Variants in SEL1L3 observed in about 807,000 individuals in gnomAD.
The protein encoded by SEL1L3 is SEL1L family member 3, also known as protein sel-1 homolog 3.
In SEL1L3, 76 loss-of-function variants were observed where a neutral mutation model predicts 142.8. The observed-to-expected ratio is 0.53, with a 90% CI of 0.44 to 0.64. SEL1L3 has a LOEUF of 0.64. Among genes scored for constraint, SEL1L3 ranks in the 30% least tolerant of loss-of-function variants. The probability of loss-of-function intolerance (pLI) is 0.00; values close to 1 mark genes in which losing one functional copy is unlikely to be tolerated. For synonymous variants in SEL1L3, 504 were observed against 519.6 expected (o/e 0.97, Z 0.41); for missense variants, 1,262 against 1,381.7 (o/e 0.91, Z 1.37).
At chr4:25,733,807 G>A in the SEL1L3 span, among the ~76,000 whole-genome samples, 2 of 152,090 alleles carry the variant, frequency 1.3e-5, no homozygotes, top group South Asian at 2.1e-4. Context: ...GAGCCACCGC[G>A]TCGGGCCAGT....
At chr4:25,752,844 C>T (rs1016500140) in intron 23 of SEL1L3, among the ~76,000 whole-genome samples, 1 of 152,260 alleles carries the variant, frequency 6.6e-6, no homozygotes, top group Non-Finnish European at 1.5e-5. Context: ...TGGTCTAAAA[C>T]TCCTGATCTT....
At chr4:25,741,502 C>G in the SEL1L3 span, among the ~76,000 whole-genome samples, 1 of 152,132 alleles carries the variant, frequency 6.6e-6, no homozygotes. Flanking sequence ...AGCTCTTCAT[C>G]TACTTTAAGT....
intron 8 of SEL1L3, among the ~76,000 whole-genome samples, chr4:25,819,066 G>T (rs1357341843): frequency 6.6e-6 from 1 of 152,172 alleles, no homozygotes; most frequent in Non-Finnish European, 1.5e-5. Context: ...AGGTCCCACA[G>T]GAATTTCTCT....
chr4:25,827,120 C>T (rs1171282664), intron 6 of SEL1L3, among the ~76,000 whole-genome samples: 1 of 152,086 alleles, frequency 6.6e-6, no homozygotes, highest in African/African-American at 2.4e-5. Context: ...ATCATAGATT[C>T]TCTGCATTCA....
Position 25,756,185 on chromosome 4 carries a change from A to T in SEL1L3, c.3259+1349T>A, listed in dbSNP as rs1717945349. 4 of 985,334 alleles carry T rather than the reference A, an allele frequency of 4.1e-6. No homozygotes were observed. The African/African-American group carries it at 5.2e-5, about 13-fold the overall frequency. The allele number at this position is 985,334 out of a possible 1,614,324, so 61.0% of individuals were successfully genotyped here. ...TGCCATGTCCAGTCCTAATCTACCC[A>T]TTTGTAAATGTCTCTGTTTGCCTTC... On this transcript the variant is annotated intron_variant, in intron 23 of 23. Transcript: ENST00000399878.
chr4:25,800,618 G>T (rs1274056637), intron 11 of SEL1L3, among the ~76,000 whole-genome samples: 3 of 151,520 alleles, frequency 2.0e-5, no homozygotes, highest in African/African-American at 7.3e-5. Context: ...AAAAAAAATA[G>T]TTTTTTTTGG....
the SEL1L3 span, among the ~76,000 whole-genome samples, chr4:25,734,234 C>T: frequency 6.6e-6 from 1 of 152,066 alleles, no homozygotes; most frequent in East Asian, 1.9e-4. Flanking sequence ...TTAGTAGAGA[C>T]CGGGTTTCAT....
chr4:25,751,427 G>A (rs1253628489), intron 23 of SEL1L3, among the ~76,000 whole-genome samples: 1 of 152,040 alleles, frequency 6.6e-6, no homozygotes, highest in Non-Finnish European at 1.5e-5. Context: ...AAGCTGCAAA[G>A]CCAATGGACC....
Position 25,782,438 on chromosome 4 carries a change from A to C in SEL1L3, c.2281-20T>G. 6.2e-7 allele frequency: 1 copy of C among 1,605,940 alleles called. No homozygotes were observed. Among genetic ancestry groups the C allele is most frequent in the Non-Finnish European group, 8.5e-7 (1 of 1,175,400 alleles). Reference sequence around the variant, plus strand: ...CAATCCCTGAATTTTGGAACAAGAAAGAAATTAACTTTAGAAAAATGAAAT... The same window carrying C: ...CAATCCCTGAATTTTGGAACAAGAACGAAATTAACTTTAGAAAAATGAAAT... On this transcript the variant is annotated intron_variant, in intron 14 of 23. Coordinates refer to ENST00000399878, the MANE Select transcript of SEL1L3 (RefSeq NM_015187.5).
chr4:25,754,156 G>C (rs1717793218), intron 23 of SEL1L3, among the ~76,000 whole-genome samples: 1 of 151,186 alleles, frequency 6.6e-6, no homozygotes, highest in Non-Finnish European at 1.5e-5. Flanking sequence ...CACAAAATTA[G>C]CCAGGCGTGG....
chr4:25,764,215 G>A (rs1034591522), intron 20 of SEL1L3, among the ~76,000 whole-genome samples: 1 of 152,174 alleles, frequency 6.6e-6, no homozygotes, highest in Non-Finnish European at 1.5e-5. Context: ...CAAGAGTCAT[G>A]AAGATGAGAA....
intron 1 of SEL1L3, chr4:25,862,074 C>T (rs1322061665): frequency 6.6e-6 from 1 of 152,208 alleles, no homozygotes; most frequent in African/African-American, 2.4e-5. Flanking sequence ...AAGCGTGTTA[C>T]AGAGAACTAG....
the SEL1L3 span, among the ~76,000 whole-genome samples, chr4:25,740,582 A>G: frequency 1.3e-5 from 2 of 151,766 alleles, no homozygotes; most frequent in African/African-American, 4.8e-5. Context: ...TGTTTGCATC[A>G]CCCTCCTTCA....
intron 4 of SEL1L3, 59 bp downstream of exon 4, chr4:25,833,389 C>A (rs886195253): frequency 6.6e-7 from 1 of 1,508,758 alleles, no homozygotes; most frequent in African/African-American, 1.4e-5. Context: ...ACATATCTGT[C>A]ACTAGGCAGA....
chr4:25,818,331 T>C, intron 8 of SEL1L3, 53 bp from the exon 9 acceptor site: 5 of 1,475,036 alleles, frequency 3.4e-6, no homozygotes, highest in Non-Finnish European at 4.6e-6. Context: ...AAGATAAGAC[T>C]CACCTCCCTA....
At chr4:25,728,714 G>A in the SEL1L3 span, among the ~76,000 whole-genome samples, 25,385 of 151,732 alleles carry the variant, frequency 0.17, 2,996 homozygotes, top group African/African-American at 0.34. Context: ...ATCACTTGAG[G>A]TCAGGAGTTC....
intron 6 of SEL1L3, among the ~76,000 whole-genome samples, chr4:25,822,426 A>C (rs1316902901): frequency 6.6e-6 from 1 of 152,216 alleles, no homozygotes; most frequent in Non-Finnish European, 1.5e-5. Flanking sequence ...GTGAAGTGTA[A>C]AGATGTCAAG....
At chr4:25,843,030 G>T (rs1328088490) in intron 2 of SEL1L3, among the ~76,000 whole-genome samples, 1 of 152,162 alleles carries the variant, frequency 6.6e-6, no homozygotes, top group Non-Finnish European at 1.5e-5. Flanking sequence ...TTAGGTGGAG[G>T]GAGCAGTCAC....
upstream of SEL1L3, chr4:25,863,339 A>C: frequency 5.7e-6 from 3 of 522,498 alleles, no homozygotes; most frequent in Admixed American, 2.8e-5. Context: ...GCGCTCCCAA[A>C]CCCCCTCTCT....
Sources: allele counts gnomAD v4.1 joint callset (sites outside exome capture counted in the v4.1 genomes callset), GRCh38; gene constraint gnomAD v4.1.1; transcripts MANE v1.5; gene names NCBI Gene and HGNC (gene_info 2026-07-23, HGNC 2026-07-21).